The following CUL3 variants were observed in gnomAD, a reference collection of about 807,000 sequenced individuals.
CUL3 encodes the protein cullin 3.
Under a neutral mutation model 89.1 loss-of-function variants are expected in CUL3, and 19 were observed. That is an observed-to-expected ratio of 0.21 (90% CI 0.15 to 0.31). The LOEUF (loss-of-function observed/expected upper bound fraction) is 0.31. CUL3 is among the 10% of genes least tolerant of loss of function. The pLI, the probability that CUL3 is intolerant of heterozygous loss-of-function variation, is 1.00. For missense variants in CUL3, 469 were observed against 942.3 expected (o/e 0.50, Z 6.58); for synonymous variants, 351 against 308.4 (o/e 1.14, Z -1.45).
chr2:224,568,699 T>C (rs954609187), intron 1 of CUL3, among the ~76,000 whole-genome samples: 4 of 152,178 alleles, frequency 2.6e-5, no homozygotes, highest in Non-Finnish European at 4.4e-5. Context: ...TAATCATTAA[T>C]TTTACTAATA....
Position 224,527,797 on chromosome 2 carries a change from T to C in CUL3, c.378+7731A>G, listed in dbSNP as rs182252996. ...CGTAATACTTCTATTTCATGGACCA[T>C]ATGAGATTCACTTGCTTCCTTTAAC... On this transcript the variant is annotated intron_variant, in intron 3 of 15. Transcript: ENST00000264414. Among the ~76,000 whole-genome samples, 50 of 152,288 alleles carry C rather than the reference T, an allele frequency of 3.3e-4. No homozygotes were observed. In the East Asian group the frequency reaches 7.9e-3, roughly 24 times the overall value.
Position 224,474,163 on chromosome 2 carries a change from C to G in CUL3, c.*82G>C, listed in dbSNP as rs2106132448. On this transcript the variant is annotated 3_prime_UTR_variant, in exon 16 of 16. Transcript: ENST00000264414. ...GTAATTTAATAGAAGAGATGGTCGT[C>G]TTAATATTTAATGATTTAAAAGAAC... 1 of 1,393,586 alleles carries G rather than the reference C, an allele frequency of 7.2e-7. No individual in the cohort carries two copies. 86.3% of individuals were successfully genotyped at this position (1,393,586 alleles called of 1,614,324 possible). A position where few individuals can be genotyped will look rare whatever the true frequency, so the allele number is the denominator to read the frequency against.
chr2:224,475,485 G>C (rs752715544), intron 15 of CUL3, among the ~76,000 whole-genome samples: 9 of 152,154 alleles, frequency 5.9e-5, no homozygotes, highest in Non-Finnish European at 1.0e-4. Context: ...ATGCATCCAT[G>C]AGCCAGCTTT....
At chr2:224,499,504 T>C (rs140070580) in intron 11 of CUL3, 2 of 235,518 alleles carry the variant, frequency 8.5e-6, no homozygotes, top group African/African-American at 4.6e-5. Flanking sequence ...TGGTTTGAGG[T>C]TAACAGTTCA....
intron 6 of CUL3, among the ~76,000 whole-genome samples, chr2:224,508,171 G>A (rs1203106700): frequency 6.6e-6 from 1 of 150,718 alleles, no homozygotes; most frequent in Non-Finnish European, 1.5e-5. Context: ...TGCCTACCTT[G>A]GTCTACAGTT....
At chr2:224,532,230 T>A (rs1177562948) in intron 3 of CUL3, among the ~76,000 whole-genome samples, 1 of 152,044 alleles carries the variant, frequency 6.6e-6, no homozygotes, top group Non-Finnish European at 1.5e-5. Context: ...CACATGAAGC[T>A]ACATAAGGTG....
In CUL3 at chr2:224,585,145, G is replaced by T; in HGVS notation, c.-136C>A. On this transcript the variant is annotated 5_prime_UTR_variant, in exon 1 of 16. Coordinates refer to ENST00000264414, the MANE Select transcript of CUL3 (RefSeq NM_003590.5). ...ACCCCCGGGCAGGGCTGGGGAGCTGGCCGGCCCCTGGGCAGCCGCGGCGGC... is the reference window on the plus strand; with the variant it reads ...ACCCCCGGGCAGGGCTGGGGAGCTGTCCGGCCCCTGGGCAGCCGCGGCGGC... 1 of 487,634 alleles carries T rather than the reference G, an allele frequency of 2.1e-6. No homozygotes were observed. The allele number at this position is 487,634 out of a possible 1,614,324, so 30.2% of individuals were successfully genotyped here.
chr2:224,571,204 C>T (rs1353804216), intron 1 of CUL3, among the ~76,000 whole-genome samples: 1 of 152,058 alleles, frequency 6.6e-6, no homozygotes, highest in Non-Finnish European at 1.5e-5. Context: ...GTCATCATAA[C>T]TAGAATTCAA....
chr2:224,557,134 T>TA (rs949811287), intron 2 of CUL3, among the ~76,000 whole-genome samples: 6 of 152,034 alleles, frequency 3.9e-5, no homozygotes, highest in Non-Finnish European at 8.8e-5. Context: ...ACATTTGTTC[T>TA]AAAAAAATAC....
intron 12 of CUL3, 42 bp from the exon 13 acceptor site, chr2:224,496,008 T>C: frequency 6.2e-7 from 1 of 1,600,114 alleles, no homozygotes; most frequent in Non-Finnish European, 8.5e-7. Flanking sequence ...ACACAATCAT[T>C]TCCTGGTAAC....
At chr2:224,493,973 T>TA (rs913368545) in intron 13 of CUL3, among the ~76,000 whole-genome samples, 6 of 151,974 alleles carry the variant, frequency 3.9e-5, no homozygotes, top group South Asian at 2.1e-4. Flanking sequence ...AAAATAAAAG[T>TA]AAAAAAAATT....
At chr2:224,526,767 G>T (rs894554325) in intron 3 of CUL3, among the ~76,000 whole-genome samples, 1 of 146,274 alleles carries the variant, frequency 6.8e-6, no homozygotes, top group Non-Finnish European at 1.5e-5. Flanking sequence ...AAGGCACAGC[G>T]ATCAAGTTTA....
chr2:224,503,907 A>G, intron 8 of CUL3, 85 bp from the exon 9 acceptor site: 1 of 1,035,844 alleles, frequency 9.7e-7, no homozygotes, highest in Non-Finnish European at 1.3e-6. Flanking sequence ...TAAAAACACT[A>G]TTGTTTGAAA....
At position 224,507,190 on chromosome 2, in the gene CUL3, T is replaced by C. The variant is rs3768887; in HGVS notation, c.884-187A>G. On this transcript the variant is annotated intron_variant, in intron 6 of 15. Coordinates refer to ENST00000264414, the MANE Select transcript of CUL3 (RefSeq NM_003590.5). The stretch of plus-strand genomic sequence containing the variant: ...GAAGTAGGCTAGTTAATGGTTATTA[T>C]TGTAATTTATAAAACACAACTTTTA... Among the ~76,000 whole-genome samples the C allele has an allele frequency of 2.2e-3, 339 of 152,294 alleles. 2 individuals carry two copies. In the East Asian group the frequency reaches 0.057, roughly 25 times the overall value.
intron 3 of CUL3, among the ~76,000 whole-genome samples, chr2:224,518,140 G>A (rs1307561650): frequency 1.3e-5 from 2 of 152,026 alleles, no homozygotes; most frequent in African/African-American, 4.8e-5. Flanking sequence ...AGAAAGTACT[G>A]GCAATTCTGA....
intron 14 of CUL3, 156 bp from the exon 15 acceptor site, chr2:224,478,501 T>G (rs1691409128): frequency 5.5e-6 from 3 of 541,754 alleles, no homozygotes; most frequent in Non-Finnish European, 9.4e-6. Context: ...GAAACTGTCT[T>G]AATGTTTACT....
At chr2:224,561,185 C>A (rs1694890179) in intron 1 of CUL3, among the ~76,000 whole-genome samples, 1 of 152,134 alleles carries the variant, frequency 6.6e-6, no homozygotes. Context: ...ATCTTTTTTT[C>A]ACTGCCAAAT....
intron 1 of CUL3, among the ~76,000 whole-genome samples, chr2:224,572,286 G>A (rs143755149): frequency 2.0e-5 from 3 of 152,092 alleles, no homozygotes; most frequent in African/African-American, 7.2e-5. Flanking sequence ...TCTCTGCCAC[G>A]GTTTGAATGC....
At chr2:224,581,287 T>TGGG (rs376632805) in intron 1 of CUL3, among the ~76,000 whole-genome samples, 2 of 150,454 alleles carry the variant, frequency 1.3e-5, no homozygotes, top group African/African-American at 4.9e-5. Flanking sequence ...CCCAGCTACT[T>TGGG]GGGGAGGCTG....
Sources: allele counts gnomAD v4.1 joint callset (sites outside exome capture counted in the v4.1 genomes callset), GRCh38; gene constraint gnomAD v4.1.1; transcripts MANE v1.5; gene names NCBI Gene and HGNC (gene_info 2026-07-23, HGNC 2026-07-21).